The following RHBDD1 variants were observed in gnomAD, a reference collection of about 807,000 sequenced individuals.
RHBDD1 encodes rhomboid-related protein 4.
Under a neutral mutation model 36.3 loss-of-function variants are expected in RHBDD1, and 38 were observed. The ratio of observed to expected loss-of-function variants is 1.05; its 90% CI spans 0.81 to 1.37. The LOEUF (loss-of-function observed/expected upper bound fraction) is 1.37. RHBDD1 is among the 40% of genes most tolerant of loss of function. The pLI, the probability that RHBDD1 is intolerant of heterozygous loss-of-function variation, is 0.00. For missense variants in RHBDD1, 393 were observed against 377.6 expected, an observed-to-expected ratio of 1.04 and a Z score of -0.34; for synonymous variants, 151 against 136.5, an observed-to-expected ratio of 1.11 and a Z score of -0.74.
intron 5 of RHBDD1, chr2:226,867,563 T>TAGG (rs1478277933): frequency 1.0e-6 from 1 of 984,436 alleles, no homozygotes. Flanking sequence ...TTTTTTTAAG[T>TAGG]AGGAGAACCT....
At chr2:226,967,068 C>A (rs971496789) in intron 8 of RHBDD1, among the ~76,000 whole-genome samples, 1 of 152,150 alleles carries the variant, frequency 6.6e-6, no homozygotes, top group African/African-American at 2.4e-5. Context: ...GCTTTTCTAA[C>A]AAATTCCCTG....
chr2:226,923,100 C>T (rs2125785843), intron 8 of RHBDD1, among the ~76,000 whole-genome samples: 1 of 152,266 alleles, frequency 6.6e-6, no homozygotes, highest in South Asian at 2.1e-4. Context: ...TTTTCTGTGG[C>T]TTACTATTAC....
chr2:226,908,907 T>A (rs769054476), intron 7 of RHBDD1, 29 bp downstream of exon 7: 3 of 1,399,044 alleles, frequency 2.1e-6, no homozygotes, highest in Non-Finnish European at 3.0e-6. Flanking sequence ...TTAATAAATT[T>A]TAACTTATTT....
chr2:226,854,998 T>C (rs915492496), intron 3 of RHBDD1, among the ~76,000 whole-genome samples: 2 of 152,240 alleles, frequency 1.3e-5, no homozygotes, highest in African/African-American at 4.8e-5. Context: ...ATTCTTCATA[T>C]GTCCAATTTA....
At chr2:226,965,549 A>C (rs1952557804) in intron 8 of RHBDD1, among the ~76,000 whole-genome samples, 1 of 152,216 alleles carries the variant, frequency 6.6e-6, no homozygotes, top group South Asian at 2.1e-4. Flanking sequence ...CAGCTTCTGG[A>C]CACATTTTGC....
chr2:226,918,117 TA>T (rs1295973691), intron 8 of RHBDD1, among the ~76,000 whole-genome samples: 4 of 152,046 alleles, frequency 2.6e-5, no homozygotes, highest in East Asian at 3.8e-4. Flanking sequence ...AGTGTGCATC[TA>T]AAAATAATTT....
At chr2:226,939,518 A>G (rs1410637266) in intron 8 of RHBDD1, among the ~76,000 whole-genome samples, 1 of 152,174 alleles carries the variant, frequency 6.6e-6, no homozygotes, top group Non-Finnish European at 1.5e-5. Context: ...ATGAACTCCC[A>G]TTCACAGTTG....
chr2:226,861,006 T>A (rs1943803076), intron 3 of RHBDD1, among the ~76,000 whole-genome samples: 1 of 152,184 alleles, frequency 6.6e-6, no homozygotes, highest in Admixed American at 6.5e-5. Context: ...GGCATGCATA[T>A]GGCACTTGAT....
At chr2:226,920,369 G>A (rs1575103662) in intron 8 of RHBDD1, among the ~76,000 whole-genome samples, 3 of 152,026 alleles carry the variant, frequency 2.0e-5, no homozygotes, top group Admixed American at 2.0e-4. Context: ...CAATTTGTAT[G>A]CCCTTTATTT....
chr2:226,969,755 T>G (rs1258345818), intron 8 of RHBDD1, among the ~76,000 whole-genome samples: 2 of 152,248 alleles, frequency 1.3e-5, no homozygotes, highest in African/African-American at 4.8e-5. Flanking sequence ...TAAAAAGTTA[T>G]TTTTTAAATG....
intron 5 of RHBDD1, among the ~76,000 whole-genome samples, chr2:226,897,073 T>A (rs1409249489): frequency 6.6e-6 from 1 of 152,116 alleles, no homozygotes; most frequent in African/African-American, 2.4e-5. Flanking sequence ...AAATGCTAGG[T>A]TTACAGGTGT....
upstream of RHBDD1, among the ~76,000 whole-genome samples, chr2:226,831,751 A>G (rs1404965748): frequency 7.0e-6 from 1 of 143,836 alleles, no homozygotes; most frequent in Admixed American, 6.9e-5. Context: ...GTCTTTTTGG[A>G]TTTTCTATTG....
At chr2:226,971,121 A>G (rs1953403438) in intron 8 of RHBDD1, among the ~76,000 whole-genome samples, 1 of 152,168 alleles carries the variant, frequency 6.6e-6, no homozygotes, top group African/African-American at 2.4e-5. Context: ...TGAGGTCTGG[A>G]ACATTTTCAT....
chr2:226,826,491 T>C, the RHBDD1 span, among the ~76,000 whole-genome samples: 3 of 151,438 alleles, frequency 2.0e-5, no homozygotes, highest in Admixed American at 6.6e-5. Flanking sequence ...GACAGGATTC[T>C]CCTGGCTGTA....
rs1298106258 is a variant in RHBDD1 at position 226,995,790 on chromosome 2, A to C, written c.*268A>C. 1 of 456,368 alleles carries C rather than the reference A, an allele frequency of 2.2e-6. No homozygotes were observed. Among genetic ancestry groups the C allele is most frequent in the South Asian group, 3.7e-5 (1 of 27,328 alleles). 28.3% of individuals were successfully genotyped at this position (456,368 alleles called of 1,614,324 possible). A position where few individuals can be genotyped will look rare whatever the true frequency, so the allele number is the denominator to read the frequency against. On this transcript the variant is annotated 3_prime_UTR_variant, in exon 9 of 9. Coordinates refer to ENST00000392062, the MANE Select transcript of RHBDD1 (RefSeq NM_001167608.3). Reference sequence around the variant, plus strand: ...ACCAGTTTCCACGCTCCCATCTCTCACTGCTGACTCAGCGATGCCTCTGCC... The same window carrying C: ...ACCAGTTTCCACGCTCCCATCTCTCCCTGCTGACTCAGCGATGCCTCTGCC...
intron 3 of RHBDD1, among the ~76,000 whole-genome samples, chr2:226,858,182 C>T (rs746225176): frequency 3.3e-5 from 5 of 152,096 alleles, no homozygotes; most frequent in Admixed American, 6.5e-5. Context: ...TAAATTTTCC[C>T]CTATTTCTTA....
At chr2:226,804,151 A>G in the RHBDD1 span, 1 of 152,184 alleles carries the variant, frequency 6.6e-6, no homozygotes, top group Non-Finnish European at 1.5e-5. Context: ...TTTCAATCAC[A>G]GGCATCAAAT....
chr2:226,954,066 C>T (rs944748069), intron 8 of RHBDD1, among the ~76,000 whole-genome samples: 11 of 152,132 alleles, frequency 7.2e-5, no homozygotes, highest in South Asian at 2.1e-4. Flanking sequence ...ATTCATTTAA[C>T]GACTGTTGAT....
intron 3 of RHBDD1, among the ~76,000 whole-genome samples, chr2:226,853,581 G>C (rs969664157): frequency 8.5e-5 from 13 of 152,180 alleles, no homozygotes; most frequent in Non-Finnish European, 7.3e-5. Context: ...CAGCTTCTGG[G>C]CATCATCACC....
Sources: allele counts gnomAD v4.1 joint callset (sites outside exome capture counted in the v4.1 genomes callset), GRCh38; gene constraint gnomAD v4.1.1; transcripts MANE v1.5; gene names NCBI Gene and HGNC (gene_info 2026-07-23, HGNC 2026-07-21).